Variants in NHERF1 observed in about 807,000 individuals in gnomAD.
NHERF1 encodes NHERF family PDZ scaffold protein 1, also known as Na(+)/H(+) exchange regulatory cofactor NHE-RF1.
chr17:74,768,567 GC>G, the NHERF1 span: 1 of 1,614,048 alleles, frequency 6.2e-7, no homozygotes, highest in Non-Finnish European at 8.5e-7. Flanking sequence ...CCTGGCCATG[GC>G]CAAAGAGAGG....
the NHERF1 span, among the ~76,000 whole-genome samples, chr17:74,764,513 G>T: frequency 1.3e-5 from 2 of 152,152 alleles, no homozygotes; most frequent in African/African-American, 2.4e-5. This position sits in a 1 kb window ranked among gnomAD's most constrained non-coding sequence, Gnocchi z 4.9. Context: ...TCTCCACTGA[G>T]GGGGAGACTA....
chr17:74,767,863 T>C, the NHERF1 span: 1 of 492,866 alleles, frequency 2.0e-6, no homozygotes, highest in Non-Finnish European at 3.9e-6. Flanking sequence ...AAAAGCCACA[T>C]TGGAGTGGCC....
the NHERF1 span, among the ~76,000 whole-genome samples, chr17:74,767,227 C>G: frequency 6.6e-6 from 1 of 152,204 alleles, no homozygotes; most frequent in Non-Finnish European, 1.5e-5. Flanking sequence ...GTGACAAGCC[C>G]CCGCCTCCAA....
At chr17:74,768,712 T>C in the NHERF1 span, 1 of 1,517,912 alleles carries the variant, frequency 6.6e-7, no homozygotes, top group South Asian at 1.1e-5. Context: ...CACCCCACCT[T>C]TTTCCTTCTC....
the NHERF1 span, chr17:74,768,550 A>T: frequency 2.5e-6 from 4 of 1,614,026 alleles, no homozygotes; most frequent in Non-Finnish European, 3.4e-6. Context: ...CTAGACTTCA[A>T]CATCTCCCTG....
the NHERF1 span, among the ~76,000 whole-genome samples, chr17:74,753,742 G>A: frequency 6.6e-6 from 1 of 151,134 alleles, no homozygotes; most frequent in Non-Finnish European, 1.5e-5. Context: ...AACAGGGGGA[G>A]GGGGGTGAAT....
chr17:74,760,083 G>A, the NHERF1 span, among the ~76,000 whole-genome samples: 1 of 152,230 alleles, frequency 6.6e-6, no homozygotes, highest in Admixed American at 6.5e-5. The surrounding 1 kb of genome is among the most constrained non-coding windows in gnomAD (Gnocchi z 4.5). Context: ...CCTGGTGACG[G>A]CGACTGGTCA....
the NHERF1 span, chr17:74,768,435 C>T: frequency 1.9e-6 from 3 of 1,611,518 alleles, no homozygotes; most frequent in Admixed American, 3.3e-5. Flanking sequence ...GAGGGACTGA[C>T]TCCCAACTTC....
the NHERF1 span, chr17:74,769,193 AT>A: frequency 1.3e-5 from 2 of 155,396 alleles, no homozygotes; most frequent in Non-Finnish European, 2.9e-5. Flanking sequence ...TGGTTGTTAC[AT>A]CCAGGGCATG....
At chr17:74,759,133 C>A in the NHERF1 span, among the ~76,000 whole-genome samples, 1 of 152,178 alleles carries the variant, frequency 6.6e-6, no homozygotes, top group African/African-American at 2.4e-5. Context: ...GCAGGTGCAT[C>A]GGAGCTGTCT....
At chr17:74,756,273 C>CTTTTTTTTTTTT in the NHERF1 span, among the ~76,000 whole-genome samples, 58 of 71,992 alleles carry the variant, frequency 8.1e-4, 1 homozygote, top group East Asian at 1.2e-3. Flanking sequence ...TTCTTTCTTT[C>CTTTTTTTTTTTT]TTTTTTTTTT....
chr17:74,755,358 AC>A, the NHERF1 span, among the ~76,000 whole-genome samples: 1 of 151,342 alleles, frequency 6.6e-6, no homozygotes, highest in Non-Finnish European at 1.5e-5. Flanking sequence ...CCAAGTATCT[AC>A]CCCCGCCCTC....
the NHERF1 span, among the ~76,000 whole-genome samples, chr17:74,757,437 G>A: frequency 1.3e-5 from 2 of 152,068 alleles, no homozygotes; most frequent in African/African-American, 4.8e-5. Flanking sequence ...AGTAAAATGA[G>A]GTGACATCAG....
the NHERF1 span, chr17:74,768,725 C>T: frequency 7.3e-7 from 1 of 1,363,304 alleles, no homozygotes; most frequent in Non-Finnish European, 1.0e-6. Context: ...TCCTTCTCCC[C>T]AATTACTCCC....
the NHERF1 span, chr17:74,748,802 C>T: frequency 9.9e-6 from 15 of 1,519,938 alleles, no homozygotes; most frequent in African/African-American, 1.9e-4. The surrounding 1 kb of genome is among the most constrained non-coding windows in gnomAD (Gnocchi z 4.3). Flanking sequence ...CCGTCCCGTC[C>T]CCATCGGAAC....
chr17:74,765,252 T>TTTTTTC, the NHERF1 span, among the ~76,000 whole-genome samples: 1 of 152,032 alleles, frequency 6.6e-6, no homozygotes, highest in Non-Finnish European at 1.5e-5. Context: ...TATTTTCTCT[T>TTTTTTC]TTTTTCTTTT....
the NHERF1 span, among the ~76,000 whole-genome samples, chr17:74,755,348 C>A: frequency 4.6e-5 from 7 of 152,168 alleles, no homozygotes; most frequent in African/African-American, 1.4e-4. Context: ...AATCTGGTAA[C>A]CAAGTATCTA....
chr17:74,750,328 G>A, the NHERF1 span, among the ~76,000 whole-genome samples: 1 of 152,188 alleles, frequency 6.6e-6, no homozygotes, highest in Non-Finnish European at 1.5e-5. Context: ...AGGGCAGGGC[G>A]TGAGCCTCCC....
At chr17:74,748,859 G>A in the NHERF1 span, 2 of 1,593,462 alleles carry the variant, frequency 1.3e-6, no homozygotes, top group Non-Finnish European at 1.7e-6. The surrounding 1 kb of genome is among the most constrained non-coding windows in gnomAD (Gnocchi z 4.3). Context: ...GAGCGCGGAC[G>A]CAGCGGCCGG....
Sources: gnomAD v4.1 joint callset for allele counts (sites outside exome capture counted in the v4.1 genomes callset) on GRCh38, gnomAD v4.1.1 for gene constraint, Gnocchi (gnomAD v3.1) non-coding constraint, MANE v1.5 for transcripts, NCBI Gene and HGNC (gene_info 2026-07-23, HGNC 2026-07-21) for gene names.